Variants in CCDC3 observed in about 807,000 individuals in gnomAD.
CCDC3 encodes the protein coiled-coil domain containing 3.
CCDC3 carries 24 observed loss-of-function variants against 21.4 expected under a neutral mutation model. The observed-to-expected ratio is 1.12, with a 90% CI of 0.81 to 1.58. CCDC3 has a LOEUF of 1.58. CCDC3 is among the 40% of genes most tolerant of loss of function. CCDC3 has a pLI of 0.00. For synonymous variants in CCDC3, 186 were observed against 166.0 expected, an observed-to-expected ratio of 1.12 and a Z score of -0.93; for missense variants, 425 against 360.9, an observed-to-expected ratio of 1.18 and a Z score of -1.44.
intron 2 of CCDC3, among the ~76,000 whole-genome samples, chr10:12,983,169 T>TATATATATAC (rs1564308503): frequency 3.7e-5 from 5 of 133,410 alleles, no homozygotes; most frequent in African/African-American, 1.4e-4. Flanking sequence ...TATATATATA[T>TATATATATAC]ATATAAAATC....
intron 5 of CCDC3, among the ~76,000 whole-genome samples, chr10:13,010,269 ACACT>A (rs1835969203): frequency 1.3e-5 from 2 of 152,096 alleles, no homozygotes; most frequent in African/African-American, 4.8e-5. Flanking sequence ...AAAACAAAAA[ACACT>A]CAATGATGAG....
At chr10:13,029,282 G>A (rs1448523152) in intron 5 of CCDC3, among the ~76,000 whole-genome samples, 2 of 152,174 alleles carry the variant, frequency 1.3e-5, no homozygotes, top group Non-Finnish European at 2.9e-5. Flanking sequence ...CTGACTGTTA[G>A]AAGGAAAACT....
chr10:13,089,223 C>T (rs892177614), intron 3 of CCDC3, among the ~76,000 whole-genome samples: 1 of 152,040 alleles, frequency 6.6e-6, no homozygotes, highest in Non-Finnish European at 1.5e-5. Context: ...ATTTGTTTAA[C>T]ACTTATTTAT....
At chr10:12,899,159 T>C (rs1834056442) in intron 2 of CCDC3, among the ~76,000 whole-genome samples, 1 of 152,116 alleles carries the variant, frequency 6.6e-6, no homozygotes. Flanking sequence ...ACAGACTCTC[T>C]TTGCTCCCTT....
intron 4 of CCDC3, among the ~76,000 whole-genome samples, chr10:13,067,272 C>T (rs745877796): frequency 1.8e-4 from 27 of 152,344 alleles, no homozygotes; most frequent in Admixed American, 2.6e-4. Context: ...CTCTCCCTGT[C>T]GGAGGAACCC....
At chr10:12,970,971 C>A (rs535141673) in intron 2 of CCDC3, among the ~76,000 whole-genome samples, 2 of 152,070 alleles carry the variant, frequency 1.3e-5, no homozygotes, top group Non-Finnish European at 1.5e-5. Context: ...TATCATTAAA[C>A]CCTTCTACTT....
chr10:12,933,662 T>C (rs1425430423), intron 2 of CCDC3, among the ~76,000 whole-genome samples: 1 of 152,110 alleles, frequency 6.6e-6, no homozygotes, highest in Non-Finnish European at 1.5e-5. Flanking sequence ...TTCATCATGT[T>C]AGCCAGGCTG....
intron 2 of CCDC3, among the ~76,000 whole-genome samples, chr10:12,987,229 T>A (rs1231325515): frequency 6.6e-6 from 1 of 152,222 alleles, no homozygotes; most frequent in African/African-American, 2.4e-5. Context: ...TCATGTGGGT[T>A]AATTGTATCT....
chr10:13,082,239 G>C (rs200175628), intron 3 of CCDC3, among the ~76,000 whole-genome samples: 5 of 152,256 alleles, frequency 3.3e-5, no homozygotes, highest in Admixed American at 1.3e-4. Flanking sequence ...AGGGTAAGGA[G>C]TGTGAGCCAT....
chr10:12,900,807 C>A (rs1329641053), intron 2 of CCDC3, among the ~76,000 whole-genome samples: 2 of 152,056 alleles, frequency 1.3e-5, no homozygotes, highest in Non-Finnish European at 2.9e-5. Flanking sequence ...CCAGTCCTGC[C>A]TCTTCCACTG....
intron 5 of CCDC3, among the ~76,000 whole-genome samples, chr10:13,040,660 A>T (rs1341256172): frequency 6.6e-6 from 1 of 150,698 alleles, no homozygotes; most frequent in African/African-American, 2.5e-5. Context: ...ACTGCACTGT[A>T]GCCTGGGCAA....
At chr10:12,987,210 AC>A (rs1835608787) in intron 2 of CCDC3, among the ~76,000 whole-genome samples, 1 of 152,148 alleles carries the variant, frequency 6.6e-6, no homozygotes, top group Admixed American at 6.5e-5. Flanking sequence ...CAGCAGGAGT[AC>A]CCATCTTTCA....
At chr10:13,004,429 T>G (rs1835901977), upstream of CCDC3, among the ~76,000 whole-genome samples, 1 of 152,162 alleles carries the variant, frequency 6.6e-6, no homozygotes, top group African/African-American at 2.4e-5. Context: ...GAAACATCAC[T>G]ATGGGAAATT....
At chr10:13,063,104 C>CA (rs1554765444) in intron 4 of CCDC3, among the ~76,000 whole-genome samples, 1 of 35,526 alleles carries the variant, frequency 2.8e-5, no homozygotes, top group Non-Finnish European at 5.5e-5. Context: ...GGCTTACCCC[C>CA]ACCCACCAAG....
intron 3 of CCDC3, among the ~76,000 whole-genome samples, chr10:13,092,872 A>G (rs1832588075): frequency 6.6e-6 from 1 of 152,170 alleles, no homozygotes; most frequent in African/African-American, 2.4e-5. Context: ...CCTGGCCTAT[A>G]ACAGGGGAGC....
intron 2 of CCDC3, among the ~76,000 whole-genome samples, chr10:12,912,004 C>G (rs552280183): frequency 6.6e-6 from 1 of 152,300 alleles, no homozygotes; most frequent in South Asian, 2.1e-4. Flanking sequence ...TAGTATTCCA[C>G]TGAGTATATA....
At chr10:12,998,263 C>T in intron 2 of CCDC3, 75 bp downstream of exon 2, 1 of 1,511,940 alleles carries the variant, frequency 6.6e-7, no homozygotes, top group South Asian at 1.3e-5. Flanking sequence ...TTCTTGATTC[C>T]TTTGGTCACA....
In CCDC3 at chr10:12,977,288, AGAAAGGAAAGGAAAGGG is replaced by A. The variant is rs371671812; in HGVS notation, c.549+21033_549+21049del. Among the ~76,000 whole-genome samples the A allele has an allele frequency of 4.6e-5, 7 of 151,860 alleles. No homozygotes were observed. The South Asian group carries it at 6.2e-4, about 14-fold the overall frequency. On this transcript the variant is annotated intron_variant, in intron 2 of 2. Transcript: ENST00000378825. ...AGACCTTGTCTCAAAAAAAAGGAAA[AGAAAGGAAAGGAAAGGG>A]GAAAGGAAAGGAAAGGAAGAAAAAG...
At chr10:13,043,508 G>A (rs149610818) in intron 5 of CCDC3, among the ~76,000 whole-genome samples, 1 of 152,120 alleles carries the variant, frequency 6.6e-6, no homozygotes, top group African/African-American at 2.4e-5. Context: ...CAGGAGAATC[G>A]CCTGAACCCA....
Sources: allele counts gnomAD v4.1 joint callset (sites outside exome capture counted in the v4.1 genomes callset), GRCh38; gene constraint gnomAD v4.1.1; transcripts MANE v1.5; gene names NCBI Gene and HGNC (gene_info 2026-07-23, HGNC 2026-07-21).